Variants in ISLR2 observed in about 807,000 individuals in gnomAD.
ISLR2 encodes immunoglobulin superfamily containing leucine rich repeat 2, also known as immunoglobulin superfamily containing leucine-rich repeat protein 2.
ISLR2 carries 16 observed loss-of-function variants against 25.5 expected under a neutral mutation model. The ratio of observed to expected loss-of-function variants is 0.63; its 90% confidence interval spans 0.43 to 0.95. The LOEUF (loss-of-function observed/expected upper bound fraction) is 0.95. ISLR2 is among the 40% of genes least tolerant of loss of function. The probability of loss-of-function intolerance (pLI) is 0.00; values close to 1 mark genes in which losing one functional copy is unlikely to be tolerated. For missense variants in ISLR2, 883 were observed against 1,030.7 expected (o/e 0.86, Z 1.96); for synonymous variants, 508 against 486.6 (o/e 1.04, Z -0.58).
chr15:74,134,987 G>A lies in ISLR2; in HGVS notation c.2233G>A (p.Gly745Ser), dbSNP rs1238256327. The A allele has an allele frequency of 6.2e-7, 1 of 1,611,464 alleles. No individual in the cohort carries two copies. Among genetic ancestry groups the A allele is most frequent in the Admixed American group, 1.7e-5 (1 of 60,008 alleles). ...TAATGGCAACTACAGGCAGACGGCA[G>A]GCTGAACCTCCGCCCGTCCGGCCCG... ...EINGNYRQTA[G>S] is the part of the protein sequence containing the mutation. The change falls in exon 3 of 3, where the codon GGC (glycine) becomes AGC (serine). Residue 745 changes from glycine to serine, a missense_variant. This residue lies in a region of ISLR2 where 612 missense variants were observed against 642.8 expected (regional missense o/e 0.95). Coordinates refer to ENST00000453268, the MANE Select transcript of ISLR2 (RefSeq NM_020851.3).
downstream of ISLR2, among the ~76,000 whole-genome samples, chr15:74,139,006 T>G (rs2072596328): frequency 6.6e-6 from 1 of 152,200 alleles, no homozygotes; most frequent in African/African-American, 2.4e-5. Context: ...GGCCCCTTCC[T>G]TTCCCTCCCT....
At chr15:74,108,713 C>T (rs552201477) in intron 2 of ISLR2, among the ~76,000 whole-genome samples, 9 of 152,350 alleles carry the variant, frequency 5.9e-5, no homozygotes, top group East Asian at 1.9e-4. Flanking sequence ...ATGGGTCAAG[C>T]GGAACACATG....
intron 1 of ISLR2, 108 bp downstream of exon 1, chr15:74,130,729 A>G (rs1231764229): frequency 6.6e-6 from 1 of 152,200 alleles, no homozygotes; most frequent in Admixed American, 6.5e-5. Flanking sequence ...GGCTGAACAC[A>G]TTGATGCGAT....
At chr15:74,125,260 C>T (rs960822553), upstream of ISLR2, among the ~76,000 whole-genome samples, 1 of 152,070 alleles carries the variant, frequency 6.6e-6, no homozygotes, top group African/African-American at 2.4e-5. Context: ...TGTTTTGAGA[C>T]AGAGTCTCAC....
In ISLR2 at chr15:74,133,117, C is replaced by T. The variant is rs1274536641; in HGVS notation, c.363C>T (p.Asn121=). Residue 121 remains asparagine (N), a synonymous_variant, in exon 3 of 3, where the codon AAC becomes AAT. Coordinates refer to ENST00000453268, the MANE Select transcript of ISLR2 (RefSeq NM_020851.3). The part of the protein sequence containing the change: ...ISSFPWSDLR[N]LSALQLLKMN... ...GCTTTCCGTGGAGCGACCTGCGCAA[C>T]CTGAGCGCGCTGCAGCTGCTCAAAA... The T allele has an allele frequency of 2.5e-6, 4 of 1,612,836 alleles. No individual in the cohort carries two copies. The highest frequency in any genetic ancestry group is 2.5e-6 in the Non-Finnish European group (3 of 1,179,992).
chr15:74,121,142 C>A (rs2072249519), intron 2 of ISLR2, among the ~76,000 whole-genome samples: 1 of 152,296 alleles, frequency 6.6e-6, no homozygotes, highest in Middle Eastern at 3.4e-3. Context: ...GTCTCCTCTA[C>A]CTGACAGGGT....
intron 2 of ISLR2, among the ~76,000 whole-genome samples, chr15:74,122,918 G>A (rs535165718): frequency 4.4e-4 from 67 of 152,186 alleles, no homozygotes; most frequent in South Asian, 1.9e-3. Context: ...GGAGGTGGTG[G>A]GGGGTTCTCT....
chr15:74,130,101 G>C (rs1200514374), upstream of ISLR2: 3 of 151,884 alleles, frequency 2.0e-5, no homozygotes, highest in African/African-American at 7.3e-5. Flanking sequence ...AAGAGTTCCG[G>C]CTTAAGAGGC....
At chr15:74,122,418 C>T (rs1216919539) in intron 2 of ISLR2, among the ~76,000 whole-genome samples, 1 of 152,220 alleles carries the variant, frequency 6.6e-6, no homozygotes, top group Non-Finnish European at 1.5e-5. Flanking sequence ...CAGCCCTTGG[C>T]CAATGTCTGA....
upstream of ISLR2, among the ~76,000 whole-genome samples, chr15:74,123,265 G>GGAGACACA (rs1367407403): frequency 6.6e-6 from 1 of 151,944 alleles, no homozygotes; most frequent in East Asian, 1.9e-4. Context: ...TGATGGGAGG[G>GGAGACACA]GAGACACAGA....
rs1433037896 is a variant in ISLR2 at position 74,134,207 on chromosome 15, G to A, written c.1453G>A (p.Glu485Lys). The change falls in exon 3 of 3, where the codon GAG becomes AAG. Residue 485 changes from glutamate to lysine, a missense_variant. By Grantham distance (56) the Glu-to-Lys change is moderately conservative (BLOSUM62 1). Around this residue, in one of 2 missense-constraint regions of ISLR2, gnomAD observed 612 missense variants for 642.8 expected, o/e 0.95. Coordinates refer to ENST00000453268, the MANE Select transcript of ISLR2 (RefSeq NM_020851.3). Reference sequence around the variant, plus strand: ...CGCAGAGCTCAAGCCGCACGTCTTCGAGCTGGGCGTCATCGCGCTGGATGT... The same window carrying A: ...CGCAGAGCTCAAGCCGCACGTCTTCAAGCTGGGCGTCATCGCGCTGGATGT... ...QSAELKPHVF[E>K]LGVIALDVAE... is the part of the protein sequence containing the mutation. 1.9e-6 allele frequency: 3 copies of A among 1,608,766 alleles called. No homozygotes were observed. Among genetic ancestry groups the A allele is most frequent in the African/African-American group, 2.7e-5 (2 of 74,854 alleles).
intron 2 of ISLR2, chr15:74,103,987 C>A (rs1223332169): frequency 6.6e-6 from 1 of 152,062 alleles, no homozygotes; most frequent in African/African-American, 2.4e-5. Flanking sequence ...TATAAATTAC[C>A]CAGTCTTGGG....
intron 2 of ISLR2, among the ~76,000 whole-genome samples, chr15:74,114,144 G>A (rs1477055098): frequency 2.0e-5 from 3 of 152,174 alleles, no homozygotes; most frequent in South Asian, 4.1e-4. Context: ...GAAAAACACA[G>A]CAGTCACTTC....
At chr15:74,130,402 A>C (rs1306147509), upstream of ISLR2, 4 of 152,224 alleles carry the variant, frequency 2.6e-5, no homozygotes, top group Non-Finnish European at 5.9e-5. Context: ...GGCTGCGCGC[A>C]GCTCAGCGGG....
upstream of ISLR2, among the ~76,000 whole-genome samples, chr15:74,123,801 T>C (rs1322204039): frequency 6.6e-6 from 1 of 152,158 alleles, no homozygotes; most frequent in Non-Finnish European, 1.5e-5. Context: ...AAAATAGCTT[T>C]GGATCCCAGC....
chr15:74,108,793 A>G (rs972901451), intron 2 of ISLR2, among the ~76,000 whole-genome samples: 1 of 152,204 alleles, frequency 6.6e-6, no homozygotes, highest in Non-Finnish European at 1.5e-5. Context: ...CCTCTGGGCT[A>G]GGGGGTGCCC....
upstream of ISLR2, chr15:74,128,449 C>T (rs1595943538): frequency 4.4e-6 from 2 of 456,514 alleles, no homozygotes; most frequent in African/African-American, 2.0e-5. Flanking sequence ...AGCCCCGTCT[C>T]CCTGCCGAAC....
intron 2 of ISLR2, among the ~76,000 whole-genome samples, chr15:74,110,925 A>G (rs1248937669): frequency 6.6e-6 from 1 of 151,980 alleles, no homozygotes; most frequent in Admixed American, 6.6e-5. Flanking sequence ...AGATCGTGCC[A>G]TCGCACTCCA....
intron 2 of ISLR2, among the ~76,000 whole-genome samples, chr15:74,121,001 A>G (rs949826491): frequency 2.1e-5 from 3 of 146,114 alleles, no homozygotes; most frequent in African/African-American, 7.6e-5. Flanking sequence ...TGCCCACCCT[A>G]TCCCTCTTCC....
Sources: gnomAD v4.1 joint callset for allele counts (sites outside exome capture counted in the v4.1 genomes callset) on GRCh38, gnomAD v4.1.1 for gene constraint, gnomAD v4.1.1 regional missense constraint, MANE v1.5 for transcripts, NCBI Gene and HGNC (gene_info 2026-07-23, HGNC 2026-07-21) for gene names.